Variants in C1GALT1 observed in about 807,000 individuals in gnomAD.
C1GALT1 encodes the protein glycoprotein-N-acetylgalactosamine 3-beta-galactosyltransferase 1.
Under a neutral mutation model 31.0 loss-of-function variants are expected in C1GALT1, and 11 were observed. That is an observed-to-expected ratio of 0.36 (90% CI 0.22 to 0.59). C1GALT1 has a LOEUF of 0.59. C1GALT1 is among the 20% of genes least tolerant of loss of function. The pLI is 0.79. For synonymous variants in C1GALT1, 175 were observed against 143.6 expected (o/e 1.22, Z -1.56); for missense variants, 424 against 425.2 (o/e 1.00, Z 0.03).
intron 1 of C1GALT1, among the ~76,000 whole-genome samples, chr7:7,191,682 A>C (rs1446007786): frequency 6.6e-6 from 1 of 152,158 alleles, no homozygotes; most frequent in Non-Finnish European, 1.5e-5. Context: ...TTATGGGTAT[A>C]AGGTAGCATC....
At chr7:7,202,997 C>A (rs1341240210) in intron 1 of C1GALT1, among the ~76,000 whole-genome samples, 1 of 151,110 alleles carries the variant, frequency 6.6e-6, no homozygotes, top group East Asian at 1.9e-4. Flanking sequence ...ATTATTACTT[C>A]AAGAAGTGTT....
At chr7:7,201,369 C>A (rs183787744) in intron 1 of C1GALT1, among the ~76,000 whole-genome samples, 5 of 152,288 alleles carry the variant, frequency 3.3e-5, no homozygotes, top group African/African-American at 1.2e-4. Flanking sequence ...CTGGAAGCTT[C>A]GTCTCAGAGG....
rs191777502 is a variant in C1GALT1 at position 7,192,220 on chromosome 7, T to G, written c.-18+9400T>G. On this transcript the variant is annotated intron_variant, in intron 1 of 3. Transcript: ENST00000436587. ...TGGATATGTTTTTTGGTAATGATTT[T>G]TGAGATTTGGGTGCACCCCTCACCC... Among the ~76,000 whole-genome samples, 387 of 152,028 alleles carry G rather than the reference T, an allele frequency of 2.5e-3. 2 individuals carry two copies. The highest frequency in any genetic ancestry group is 4.4e-3 in the Non-Finnish European group (296 of 67,902).
intron 2 of C1GALT1, among the ~76,000 whole-genome samples, chr7:7,175,895 A>T (rs1330981381): frequency 2.6e-5 from 4 of 151,838 alleles, no homozygotes; most frequent in African/African-American, 4.8e-5. Context: ...TTGGAAGGGC[A>T]CCAGGTCTAT....
chr7:7,174,805 T>G (rs1438760969), intron 2 of C1GALT1, among the ~76,000 whole-genome samples: 1 of 152,116 alleles, frequency 6.6e-6, no homozygotes, highest in African/African-American at 2.4e-5. Context: ...TCATAACTAC[T>G]ATCTCTTTGT....
intron 1 of C1GALT1, among the ~76,000 whole-genome samples, chr7:7,186,662 A>G (rs1780829506): frequency 6.6e-6 from 1 of 152,220 alleles, no homozygotes; most frequent in Admixed American, 6.5e-5. Flanking sequence ...GACTCCTGAA[A>G]AGTAAAGACC....
chr7:7,193,106 G>C (rs1403713197), intron 1 of C1GALT1, among the ~76,000 whole-genome samples: 1 of 151,996 alleles, frequency 6.6e-6, no homozygotes. Flanking sequence ...TCTGTGGGTT[G>C]TCTGTTTACT....
chr7:7,229,258 C>G (rs1207960545), intron 1 of C1GALT1, among the ~76,000 whole-genome samples: 6 of 152,120 alleles, frequency 3.9e-5, no homozygotes, highest in Admixed American at 2.0e-4. Context: ...GGCAAAATCA[C>G]AGCTAGGACA....
chr7:7,236,642 C>T (rs1478812179), intron 2 of C1GALT1, among the ~76,000 whole-genome samples: 1 of 152,146 alleles, frequency 6.6e-6, no homozygotes, highest in African/African-American at 2.4e-5. Flanking sequence ...CTGCCTTAGC[C>T]TCCCGAGTAG....
intron 1 of C1GALT1, among the ~76,000 whole-genome samples, chr7:7,228,721 A>ATACTC (rs1554296220): frequency 6.6e-6 from 1 of 152,228 alleles, no homozygotes; most frequent in Non-Finnish European, 1.5e-5. Context: ...GAGTGTGCTG[A>ATACTC]TACTCTGGGG....
chr7:7,174,852 C>T (rs1290380058), intron 2 of C1GALT1, among the ~76,000 whole-genome samples: 2 of 152,054 alleles, frequency 1.3e-5, no homozygotes, highest in African/African-American at 2.4e-5. Context: ...ATTTTCCTGG[C>T]TTCCTTTAGT....
chr7:7,236,678 C>T (rs1204324546), intron 2 of C1GALT1, among the ~76,000 whole-genome samples: 2 of 151,880 alleles, frequency 1.3e-5, no homozygotes, highest in Admixed American at 6.6e-5. Context: ...CCCACCACTA[C>T]GCTTGGCTAA....
chr7:7,215,423 G>C (rs1412010703), intron 1 of C1GALT1, among the ~76,000 whole-genome samples: 1 of 152,130 alleles, frequency 6.6e-6, no homozygotes, highest in South Asian at 2.1e-4. Context: ...AGCCCGACTG[G>C]TAAGAAATTT....
intron 1 of C1GALT1, among the ~76,000 whole-genome samples, chr7:7,197,434 G>A (rs904475912): frequency 6.6e-6 from 1 of 152,098 alleles, no homozygotes; most frequent in Non-Finnish European, 1.5e-5. Flanking sequence ...ATGCTGTTTT[G>A]GTTACTGTAG....
intron 1 of C1GALT1, among the ~76,000 whole-genome samples, chr7:7,189,353 C>G (rs1328058288): frequency 6.6e-6 from 1 of 152,060 alleles, no homozygotes; most frequent in Non-Finnish European, 1.5e-5. Flanking sequence ...GTGAAATGCC[C>G]TTCCAAAAGA....
At chr7:7,220,004 T>C (rs540886236) in intron 1 of C1GALT1, among the ~76,000 whole-genome samples, 51 of 152,226 alleles carry the variant, frequency 3.4e-4, no homozygotes, top group Non-Finnish European at 6.6e-4. Context: ...ATTAAATCTT[T>C]TTCATTTAGC....
rs564890709 is a variant in C1GALT1, at chr7:7,184,180, A to C, written c.-18+1360A>C. 1.1e-4 allele frequency among the ~76,000 whole-genome samples: 16 copies of C among 152,348 alleles called. No homozygotes were observed. The South Asian group carries it at 3.1e-3, about 30-fold the overall frequency. ...TCTTTATATATAGATGTACAGTTTA[A>C]GTGAATATAAAGTTTCAAGTTAGCA... On this transcript the variant is annotated intron_variant, in intron 1 of 3. Coordinates refer to ENST00000436587, the MANE Select transcript of C1GALT1 (RefSeq NM_020156.5).
At chr7:7,183,917 G>A (rs1388954172) in intron 1 of C1GALT1, among the ~76,000 whole-genome samples, 1 of 152,182 alleles carries the variant, frequency 6.6e-6, no homozygotes, top group Admixed American at 6.5e-5. Context: ...CGATGTGTAA[G>A]GGAGAGAAAT....
chr7:7,220,278 T>C (rs775638528), intron 1 of C1GALT1, among the ~76,000 whole-genome samples: 1 of 152,238 alleles, frequency 6.6e-6, no homozygotes, highest in Non-Finnish European at 1.5e-5. Context: ...AATATCCTTT[T>C]CAATGAATAA....
Sources: allele counts gnomAD v4.1 joint callset (sites outside exome capture counted in the v4.1 genomes callset), GRCh38; gene constraint gnomAD v4.1.1; transcripts MANE v1.5; gene names NCBI Gene and HGNC (gene_info 2026-07-23, HGNC 2026-07-21).